The following DRD2 variants were observed in gnomAD, a reference collection of about 807,000 sequenced individuals.
The protein encoded by DRD2 is dopamine receptor D2, also known as D(2) dopamine receptor.
A neutral mutation model predicts 38.0 loss-of-function variants in DRD2; 8 were observed. The observed-to-expected ratio is 0.21, with a 90% confidence interval of 0.12 to 0.38. DRD2 has a LOEUF of 0.38. DRD2 is among the 10% of genes least tolerant of loss of function. The pLI is 1.00. For synonymous variants in DRD2, 230 were observed against 238.6 expected (o/e 0.96, Z 0.33); for missense variants, 403 against 607.7 (o/e 0.66, Z 3.54).
chr11:113,431,552 C>G (rs1337358805), intron 1 of DRD2, among the ~76,000 whole-genome samples: 1 of 152,208 alleles, frequency 6.6e-6, no homozygotes, highest in Admixed American at 6.5e-5. Context: ...GGGCAAAGAT[C>G]TACAGAAATA....
chr11:113,437,483 T>C (rs190146188), intron 1 of DRD2, among the ~76,000 whole-genome samples: 1 of 152,276 alleles, frequency 6.6e-6, no homozygotes, highest in Non-Finnish European at 1.5e-5. Context: ...GGAAGAATTA[T>C]ATGAGCCTTA....
chr11:113,446,370 C>T lies in DRD2; in HGVS notation c.-31-21688G>A, dbSNP rs148812465. On this transcript the variant is annotated intron_variant, in intron 1 of 7. Coordinates refer to ENST00000362072, the MANE Select transcript of DRD2 (RefSeq NM_000795.4). Reference sequence around the variant, plus strand: ...GGAGAAAACACAGCAGTCATAGTAACGGTAGCTCCTGTTTATTGACTGTTC... The same window carrying T: ...GGAGAAAACACAGCAGTCATAGTAATGGTAGCTCCTGTTTATTGACTGTTC... Among the ~76,000 whole-genome samples, 18 of 152,318 alleles carry T rather than the reference C, an allele frequency of 1.2e-4. No homozygotes were observed. The East Asian group carries it at 1.3e-3, about 11-fold the overall frequency.
chr11:113,467,775 T>C (rs60253148), intron 1 of DRD2, among the ~76,000 whole-genome samples: 1 of 152,040 alleles, frequency 6.6e-6, no homozygotes, highest in Non-Finnish European at 1.5e-5. Flanking sequence ...GCTCATGTGG[T>C]GTAAGATGGA....
intron 1 of DRD2, among the ~76,000 whole-genome samples, chr11:113,474,067 G>A (rs1425457027): frequency 2.0e-5 from 3 of 152,104 alleles, no homozygotes; most frequent in African/African-American, 7.2e-5. Flanking sequence ...CCAACCTCAA[G>A]AGCCACCGAA....
intron 1 of DRD2, among the ~76,000 whole-genome samples, chr11:113,470,370 T>C (rs190524890): frequency 6.6e-6 from 1 of 152,270 alleles, no homozygotes; most frequent in Non-Finnish European, 1.5e-5. Context: ...CAGCTGCAGT[T>C]CTGTGCTGAG....
intron 1 of DRD2, among the ~76,000 whole-genome samples, chr11:113,472,084 G>A (rs1368239273): frequency 1.3e-5 from 2 of 152,230 alleles, no homozygotes; most frequent in Non-Finnish European, 2.9e-5. Flanking sequence ...GGGAGAAGTG[G>A]TGGGTGCCAA....
Position 113,441,192 on chromosome 11 carries a change from C to T in DRD2, c.-31-16510G>A, listed in dbSNP as rs546931330. ...CTGTCTTCCTACAATGAGCCACATG[C>T]CATAAGCCCCAACTTATGGGCAGAC... is the stretch of plus-strand genomic sequence containing the variant. On this transcript the variant is annotated intron_variant, in intron 1 of 7. Coordinates refer to ENST00000362072, the MANE Select transcript of DRD2 (RefSeq NM_000795.4). Among the ~76,000 whole-genome samples, 52 of 152,312 alleles carry T rather than the reference C, an allele frequency of 3.4e-4. No individual in the cohort carries two copies. In the South Asian group the frequency reaches 0.01, roughly 30 times the overall value.
chr11:113,457,533 C>T (rs1419567641), intron 1 of DRD2, among the ~76,000 whole-genome samples: 2 of 152,124 alleles, frequency 1.3e-5, no homozygotes, highest in East Asian at 3.9e-4. Context: ...CCTGCCACCC[C>T]TTGCCCCAGG....
chr11:113,444,392 T>C (rs1951122474), intron 1 of DRD2, among the ~76,000 whole-genome samples: 2 of 152,234 alleles, frequency 1.3e-5, no homozygotes, highest in African/African-American at 4.8e-5. Flanking sequence ...GGTAAATGAA[T>C]GTACATGAAT....
Position 113,450,350 on chromosome 11 carries a change from A to G in DRD2, c.-32+24726T>C, listed in dbSNP as rs114767146. Among the ~76,000 whole-genome samples, 888 of 152,328 alleles carry G rather than the reference A, an allele frequency of 5.8e-3. 8 individuals carry two copies. Among genetic ancestry groups the G allele is most frequent in the African/African-American group, 0.02 (834 of 41,582 alleles). ...AAGGCCTCGAAACAGCCCTCTGACC[A>G]AGCAGGGCAGGGTTATTACTCCCTC... On this transcript the variant is annotated intron_variant, in intron 1 of 7. Coordinates refer to ENST00000362072, the MANE Select transcript of DRD2 (RefSeq NM_000795.4).
At chr11:113,471,999 A>G (rs1591307304) in intron 1 of DRD2, among the ~76,000 whole-genome samples, 2 of 152,164 alleles carry the variant, frequency 1.3e-5, no homozygotes, top group Admixed American at 6.5e-5. Flanking sequence ...TAAAACCTCA[A>G]CTTGATTCTT....
chr11:113,416,544 T>C (rs575467042), intron 4 of DRD2, among the ~76,000 whole-genome samples: 30 of 152,336 alleles, frequency 2.0e-4, no homozygotes, highest in South Asian at 1.7e-3. Context: ...TATACACACA[T>C]GCAGTTTGTG....
chr11:113,415,922 G>A (rs927620643), intron 4 of DRD2, among the ~76,000 whole-genome samples: 2 of 152,252 alleles, frequency 1.3e-5, no homozygotes, highest in South Asian at 2.1e-4. Context: ...TGAAGCCGAT[G>A]TATCCAGAAA....
rs544409420 is a variant in DRD2, at chr11:113,410,628, G to T, written c.*99C>A. 20 of 1,484,292 alleles carry T rather than the reference G, an allele frequency of 1.3e-5. No homozygotes were observed. The highest frequency in any genetic ancestry group is 2.3e-4 in the Middle Eastern group (1 of 4,354). The allele number at this position is 1,484,292 out of a possible 1,614,324, so 91.9% of individuals were successfully genotyped here. ...GGCCTGCCGGGGTGAAGAGGAGGCC[G>T]ATCCACCCAGGCCTTCCTGCTCACG... On this transcript the variant is annotated 3_prime_UTR_variant, in exon 8 of 8. Coordinates refer to ENST00000362072, the MANE Select transcript of DRD2 (RefSeq NM_000795.4).
chr11:113,455,218 C>T (rs775478480), intron 1 of DRD2, among the ~76,000 whole-genome samples: 6 of 151,986 alleles, frequency 3.9e-5, no homozygotes, highest in Non-Finnish European at 5.9e-5. Context: ...AAAAAATTAG[C>T]CAGGCGTGGT....
At chr11:113,430,326 C>G in intron 1 of DRD2, among the ~76,000 whole-genome samples, 1 of 152,174 alleles carries the variant, frequency 6.6e-6, no homozygotes, top group East Asian at 1.9e-4. Context: ...ATTTCATAGA[C>G]TCTAAGACAA....
chr11:113,440,371 A>G (rs1257894449), intron 1 of DRD2, among the ~76,000 whole-genome samples: 1 of 152,202 alleles, frequency 6.6e-6, no homozygotes, highest in Non-Finnish European at 1.5e-5. Context: ...GTGCTCAAAG[A>G]TGATTCCCCC....
chr11:113,424,297 C>A, intron 2 of DRD2, 70 bp downstream of exon 2: 1 of 1,527,946 alleles, frequency 6.5e-7, no homozygotes, highest in Non-Finnish European at 9.0e-7. Context: ...CAGTGGGGAG[C>A]TAGAGTCCCC....
chr11:113,463,268 T>C (rs1951339458), intron 1 of DRD2, among the ~76,000 whole-genome samples: 1 of 152,188 alleles, frequency 6.6e-6, no homozygotes. Flanking sequence ...AGGATGATTT[T>C]TGGAGCTGGT....
Sources: allele counts gnomAD v4.1 joint callset (sites outside exome capture counted in the v4.1 genomes callset), GRCh38; gene constraint gnomAD v4.1.1; transcripts MANE v1.5; gene names NCBI Gene and HGNC (gene_info 2026-07-23, HGNC 2026-07-21).